Variants in ANKFY1 observed in about 807,000 individuals in gnomAD.
ANKFY1 encodes ankyrin repeat and FYVE domain containing 1, also known as ankyrin repeat and FYVE domain-containing protein 1.
In ANKFY1, 47 loss-of-function variants were observed where a neutral mutation model predicts 128.3. The ratio of observed to expected loss-of-function variants is 0.37; its 90% confidence interval spans 0.29 to 0.47. The LOEUF is 0.47. Among genes scored for constraint, ANKFY1 ranks in the 20% least tolerant of loss-of-function variants. ANKFY1 has a pLI of 1.00. For synonymous variants in ANKFY1, 553 were observed against 601.6 expected (o/e 0.92, Z 1.18); for missense variants, 1,222 against 1,510.6 (o/e 0.81, Z 3.17).
At position 4,181,232 on chromosome 17, in the gene ANKFY1, G is replaced by A; in HGVS notation, c.2240+22C>T. On this transcript the variant is annotated intron_variant, in intron 16 of 24. Transcript: ENST00000341657. The surrounding 1 kb of genome is among the most constrained non-coding windows in gnomAD (Gnocchi z 4.9). ...AACAAGCTCACTAAAAAGCTGTGGA[G>A]AGATACTGGGGACTCTCAGACCTGC... is the stretch of plus-strand genomic sequence containing the variant. 6.3e-7 allele frequency: 1 copy of A among 1,586,934 alleles called. No individual in the cohort carries two copies. Among genetic ancestry groups the A allele is most frequent in the South Asian group, 1.1e-5 (1 of 90,488 alleles).
rs571787868 is a variant in ANKFY1 at position 4,165,418 on chromosome 17, C to A, written c.*2361G>T. ...CTTACAACAGCTAGGCAGGTTTGTA[C>A]GCAAGTGTTGACAGCAGGGAGAGCA... is the stretch of plus-strand genomic sequence containing the variant. On this transcript the variant is annotated 3_prime_UTR_variant, in exon 25 of 25. Transcript: ENST00000341657. The A allele has an allele frequency of 6.6e-6, 1 of 152,182 alleles. No individual in the cohort carries two copies. The highest frequency in any genetic ancestry group is 1.5e-5 in the Non-Finnish European group (1 of 68,036). The allele number at this position is 152,182 out of a possible 1,614,324, so 9.4% of individuals were successfully genotyped here. A position where few individuals can be genotyped will look rare whatever the true frequency, so the allele number is the denominator to read the frequency against.
chr17:4,235,776 C>T lies in ANKFY1; in HGVS notation c.318G>A (p.Leu106=). Residue 106 remains leucine, a synonymous_variant, in exon 3 of 25, where the codon CTG becomes CTA. Transcript: ENST00000341657. ...CCTGATCACTCAAAGGCTCACCTGA[C>T]AGGTCCAACTCTTTAGTGGAAGACA... ...ANLSSTKELD[L]SDANPEVTMT... 2 of 1,613,780 alleles carry T rather than the reference C, an allele frequency of 1.2e-6. No individual in the cohort carries two copies. Among genetic ancestry groups the T allele is most frequent in the Non-Finnish European group, 1.7e-6 (2 of 1,179,682 alleles).
intron 5 of ANKFY1, among the ~76,000 whole-genome samples, chr17:4,208,410 T>C (rs1447477893): frequency 6.6e-6 from 1 of 152,182 alleles, no homozygotes; most frequent in Non-Finnish European, 1.5e-5. Context: ...ACACCAGCCA[T>C]GCATACCTCT....
chr17:4,182,417 G>A, intron 14 of ANKFY1, 68 bp from the exon 15 acceptor site: 4 of 1,284,002 alleles, frequency 3.1e-6, no homozygotes, highest in Non-Finnish European at 3.1e-6. Flanking sequence ...TGCCCTTCTG[G>A]GCATTCCAGA....
intron 1 of ANKFY1, among the ~76,000 whole-genome samples, chr17:4,262,732 G>A (rs1394492383): frequency 6.6e-6 from 1 of 152,084 alleles, no homozygotes; most frequent in African/African-American, 2.4e-5. Context: ...GTGGGACAGA[G>A]CGAGACCCTA....
At chr17:4,183,327 G>A (rs1462962019) in intron 14 of ANKFY1, 71 bp downstream of exon 14, 1 of 1,557,492 alleles carries the variant, frequency 6.4e-7, no homozygotes, top group Non-Finnish European at 8.7e-7. Context: ...TTTTCTACAA[G>A]CGAGGCTATG....
At chr17:4,222,931 T>C in intron 3 of ANKFY1, 6 of 1,255,990 alleles carry the variant, frequency 4.8e-6, no homozygotes, top group Non-Finnish European at 7.0e-6. Context: ...TATCCTACCT[T>C]GCGGATAGAG....
At chr17:4,247,323 T>G (rs559264561) in intron 1 of ANKFY1, among the ~76,000 whole-genome samples, 5 of 152,256 alleles carry the variant, frequency 3.3e-5, no homozygotes, top group Admixed American at 2.0e-4. Context: ...CCAGTCTCTC[T>G]ACAGAATTCC....
intron 2 of ANKFY1, among the ~76,000 whole-genome samples, chr17:4,240,826 ACCTCTCACTGCT>A (rs1351098294): frequency 6.6e-6 from 1 of 151,722 alleles, no homozygotes; most frequent in African/African-American, 2.4e-5. Flanking sequence ...TGCTTTTCCC[ACCTCTCACTGCT>A]CCTCTACATG....
intron 10 of ANKFY1, among the ~76,000 whole-genome samples, chr17:4,192,837 C>T (rs2059742866): frequency 6.6e-6 from 1 of 152,092 alleles, no homozygotes; most frequent in Admixed American, 6.6e-5. Flanking sequence ...TCCTTCTTCA[C>T]TCCCACTGCT....
At chr17:4,199,667 A>G (rs2059891755) in intron 7 of ANKFY1, among the ~76,000 whole-genome samples, 1 of 152,214 alleles carries the variant, frequency 6.6e-6, no homozygotes, top group Non-Finnish European at 1.5e-5. Context: ...TTGACTCTAG[A>G]TTGGTTCTAC....
At chr17:4,171,101 A>C (rs1982176) in intron 22 of ANKFY1, among the ~76,000 whole-genome samples, 138,864 of 152,234 alleles carry the variant, frequency 0.91, 64,713 homozygotes, top group East Asian at 1. Context: ...CGTTTCCAAG[A>C]CACAGTCTTT....
intron 3 of ANKFY1, among the ~76,000 whole-genome samples, chr17:4,217,386 A>G (rs2060239000): frequency 2.0e-5 from 3 of 152,156 alleles, no homozygotes; most frequent in African/African-American, 7.2e-5. Flanking sequence ...ATGTCTACTA[A>G]AAATACAAAA....
At chr17:4,202,981 CATATAT>C (rs56774221) in intron 7 of ANKFY1, among the ~76,000 whole-genome samples, 4 of 146,298 alleles carry the variant, frequency 2.7e-5, no homozygotes, top group African/African-American at 1.0e-4. Context: ...TAATCATACA[CATATAT>C]ATATATATAT....
At chr17:4,243,592 T>C (rs962816707) in intron 1 of ANKFY1, among the ~76,000 whole-genome samples, 1 of 152,148 alleles carries the variant, frequency 6.6e-6, no homozygotes, top group African/African-American at 2.4e-5. Context: ...AGGTTACAGA[T>C]TTCCCCTGAG....
chr17:4,223,035 G>T (rs1305736131), intron 3 of ANKFY1: 4 of 762,284 alleles, frequency 5.2e-6, no homozygotes, highest in Non-Finnish European at 7.1e-6. Context: ...AATAAAAGAT[G>T]TACTCCAAGA....
chr17:4,179,635 G>A, intron 17 of ANKFY1, 86 bp downstream of exon 17: 2 of 1,516,976 alleles, frequency 1.3e-6, no homozygotes, highest in Non-Finnish European at 1.8e-6. Flanking sequence ...CTGGAACTGG[G>A]GACTGTGCAA....
chr17:4,168,767 G>T, intron 24 of ANKFY1: 1 of 155,970 alleles, frequency 6.4e-6, no homozygotes, highest in Non-Finnish European at 1.4e-5. Flanking sequence ...GCCTGCCTCT[G>T]CCTCCCAAAG....
intron 3 of ANKFY1, among the ~76,000 whole-genome samples, chr17:4,219,948 A>G (rs116883345): frequency 0.028 from 4,200 of 151,946 alleles, 130 homozygotes; most frequent in African/African-American, 0.081. Flanking sequence ...CAGACTCCCA[A>G]CGTAGCTGGG....
Sources: allele counts gnomAD v4.1 joint callset (sites outside exome capture counted in the v4.1 genomes callset), GRCh38; gene constraint gnomAD v4.1.1; non-coding constraint Gnocchi (gnomAD v3.1); transcripts MANE v1.5; gene names NCBI Gene and HGNC (gene_info 2026-07-23, HGNC 2026-07-21).